The following HECTD3 variants were observed in gnomAD, a reference collection of about 807,000 sequenced individuals.
The protein encoded by HECTD3 is HECT domain E3 ubiquitin protein ligase 3.
Under a neutral mutation model 109.3 loss-of-function variants are expected in HECTD3, and 72 were observed. That is an observed-to-expected ratio of 0.66 (90% CI 0.54 to 0.80). The LOEUF is 0.80. HECTD3 is among the 30% of genes least tolerant of loss of function. HECTD3 has a pLI of 0.00. For missense variants in HECTD3, 1,041 were observed against 1,165.2 expected, an observed-to-expected ratio of 0.89 and a Z score of 1.55; for synonymous variants, 481 against 471.8, an observed-to-expected ratio of 1.02 and a Z score of -0.25.
At chr1:45,005,546 C>G (rs1644728105) in intron 15 of HECTD3, 3 of 399,604 alleles carry the variant, frequency 7.5e-6, no homozygotes, top group Non-Finnish European at 1.3e-5. Context: ...CACACTGAGC[C>G]TGAGATGCCA....
At chr1:45,005,044 G>A (rs1644722427) in intron 15 of HECTD3, 2 of 583,660 alleles carry the variant, frequency 3.4e-6, no homozygotes. Flanking sequence ...CCCAAATGAT[G>A]GCTGGGACAT....
chr1:45,003,996 C>T lies in HECTD3; in HGVS notation c.2348-60G>A. 6.2e-7 allele frequency: 1 copy of T among 1,612,870 alleles called. No homozygotes were observed. Among genetic ancestry groups the T allele is most frequent in the East Asian group, 2.2e-5 (1 of 44,864 alleles). ...GGTGAGGGAGGGTCTACAACTTCTA[C>T]CCTGCCTCTGCAACTCAGCAGCAGA... On this transcript the variant is annotated intron_variant, in intron 18 of 20. Coordinates refer to ENST00000372172, the MANE Select transcript of HECTD3 (RefSeq NM_024602.6). This position sits in a 1 kb window ranked among gnomAD's most constrained non-coding sequence, Gnocchi z 4.7.
intron 15 of HECTD3, chr1:45,005,199 C>T (rs1215104514): frequency 6.1e-6 from 2 of 327,802 alleles, no homozygotes; most frequent in African/African-American, 2.1e-5. Flanking sequence ...TGCATTCTAT[C>T]CTAAGCCCAG....
Position 45,009,635 on chromosome 1 carries a change from AG to A in HECTD3, c.807del (p.Trp270GlyfsTer16), listed in dbSNP as rs1381518679. On this transcript the variant is annotated frameshift_variant, in exon 5 of 21. Coordinates refer to ENST00000372172, the MANE Select transcript of HECTD3 (RefSeq NM_024602.6). LOFTEE classifies it high-confidence loss of function. ...TGGCACTGGGACCCATCGCTCTCCC[AG>A]TAGGTATCGGCATTGCTGTCTGTCA... is the stretch of plus-strand genomic sequence containing the variant. ...SCLTDSNADT[Y>X]WESDGSQCQH... 1.9e-6 allele frequency: 3 copies of A among 1,613,988 alleles called. No homozygotes were observed. Among genetic ancestry groups the A allele is most frequent in the African/African-American group, 1.3e-5 (1 of 74,894 alleles).
rs769768604 is a variant in HECTD3 at position 45,010,311 on chromosome 1, G to A, written c.531-18C>T. The A allele has an allele frequency of 3.1e-5, 50 of 1,609,734 alleles. No individual in the cohort carries two copies. The East Asian group carries it at 9.6e-4, about 31-fold the overall frequency. Reference sequence around the variant, plus strand: ...GTTCCCACCTGTGGGCACAGAGTAGGGAGTGGGATGGGGAGACATCAGCGG... The same window carrying A: ...GTTCCCACCTGTGGGCACAGAGTAGAGAGTGGGATGGGGAGACATCAGCGG... On this transcript the variant is annotated intron_variant, in intron 2 of 20. Coordinates refer to ENST00000372172, the MANE Select transcript of HECTD3 (RefSeq NM_024602.6).
intron 7 of HECTD3, 70 bp from the exon 8 acceptor site, chr1:45,008,771 G>A (rs140058276): frequency 1.4e-5 from 21 of 1,480,576 alleles, no homozygotes; most frequent in African/African-American, 4.1e-5. Flanking sequence ...ACCTGGGACC[G>A]GCTCCTTGAA....
In HECTD3 at chr1:45,007,634, A is replaced by G. The variant is rs1000869341; in HGVS notation, c.1321-39T>C. ...GTGGCCAGAGCAGGAATGAGTGGGC[A>G]GTCAGCCTCCGTCCAGGCCCTGGAA... On this transcript the variant is annotated intron_variant, in intron 9 of 20. Coordinates refer to ENST00000372172, the MANE Select transcript of HECTD3 (RefSeq NM_024602.6). 3 of 1,564,416 alleles carry G rather than the reference A, an allele frequency of 1.9e-6. No homozygotes were observed. In the African/African-American group the frequency reaches 4.0e-5, roughly 21 times the overall value.
intron 15 of HECTD3, 92 bp downstream of exon 15, chr1:45,005,702 G>A (rs1040490265): frequency 3.1e-6 from 3 of 980,626 alleles, no homozygotes; most frequent in Non-Finnish European, 4.6e-6. Context: ...GGGATCTTGT[G>A]TGTGGTGAAA....
At position 45,003,531 on chromosome 1, in the gene HECTD3, G is replaced by A. The variant is rs758014490; in HGVS notation, c.2547C>T (p.Cys849=). The A allele has an allele frequency of 2.7e-5, 44 of 1,614,098 alleles. No homozygotes were observed. Among genetic ancestry groups the A allele is most frequent in the Non-Finnish European group, 3.3e-5 (39 of 1,180,034 alleles). Residue 849 remains cysteine (C), a synonymous_variant, in exon 21 of 21, where the codon TGC becomes TGT. Coordinates refer to ENST00000372172, the MANE Select transcript of HECTD3 (RefSeq NM_024602.6). This position sits in a 1 kb window ranked among gnomAD's most constrained non-coding sequence, Gnocchi z 4.7. The part of the protein sequence containing the change: ...EEKLRYAAYN[C]VAIDTDMSPW... ...GGCTCATGTCAGTGTCGATGGCCAC[G>A]CAGTTGTAGGCCGCATAGCGGAGCT...
intron 10 of HECTD3, 53 bp downstream of exon 10, chr1:45,007,360 C>A: frequency 6.2e-7 from 1 of 1,606,046 alleles, no homozygotes; most frequent in Non-Finnish European, 8.5e-7. Flanking sequence ...CTTGGCCTAG[C>A]CCCCTTGGCC....
In HECTD3 at chr1:45,010,910, C is replaced by A; in HGVS notation, c.348G>T (p.Gly116=). The change falls in exon 1 of 21, where the codon GGG becomes GGT. Residue 116 remains glycine, a synonymous_variant. Transcript: ENST00000372172. ...TTGEELCNGH[G]LWVKLTKEQL... Reference sequence around the variant, plus strand: ...GCACCTTTGTCAGCTTCACCCAGAGCCCGTGGCCATTGCACAGCTCCTCGC... The same window carrying A: ...GCACCTTTGTCAGCTTCACCCAGAGACCGTGGCCATTGCACAGCTCCTCGC... 3 of 1,544,940 alleles carry A rather than the reference C, an allele frequency of 1.9e-6. No homozygotes were observed. The highest frequency in any genetic ancestry group is 2.6e-6 in the Non-Finnish European group (3 of 1,156,910).
rs1008634193 is a variant in HECTD3 at position 45,003,300 on chromosome 1, G to A, written c.*192C>T. Reference sequence around the variant, plus strand: ...AAGCCCCAGCACGGGTAGGGCTTGTGGGTCTGCGGGGCTGGGCCACTAGTG... The same window carrying A: ...AAGCCCCAGCACGGGTAGGGCTTGTAGGTCTGCGGGGCTGGGCCACTAGTG... On this transcript the variant is annotated 3_prime_UTR_variant, in exon 21 of 21. Transcript: ENST00000372172. This position sits in a 1 kb window ranked among gnomAD's most constrained non-coding sequence, Gnocchi z 4.7. 1.7e-6 allele frequency: 1 copy of A among 593,960 alleles called. No individual in the cohort carries two copies. Among genetic ancestry groups the A allele is most frequent in the East Asian group, 2.8e-5 (1 of 35,538 alleles). 36.8% of individuals were successfully genotyped at this position (593,960 alleles called of 1,614,324 possible).
intron 4 of HECTD3, 136 bp downstream of exon 4, chr1:45,009,850 A>T: frequency 8.2e-7 from 1 of 1,214,208 alleles, no homozygotes; most frequent in Non-Finnish European, 1.2e-6. Flanking sequence ...TAGACGTCCA[A>T]GATGGGGAGC....
rs753816646 is a variant in HECTD3, at chr1:45,009,971, A to G, written c.759+15T>C. 1.3e-6 allele frequency: 2 copies of G among 1,516,738 alleles called. No individual in the cohort carries two copies. Among genetic ancestry groups the G allele is most frequent in the East Asian group, 2.3e-5 (1 of 43,948 alleles). 94.0% of individuals were successfully genotyped at this position (1,516,738 alleles called of 1,614,324 possible). On this transcript the variant is annotated intron_variant, in intron 4 of 20. Coordinates refer to ENST00000372172, the MANE Select transcript of HECTD3 (RefSeq NM_024602.6). The stretch of plus-strand genomic sequence containing the variant: ...ACTATATCTTGCCTGGGGTGGGAGG[A>G]GCCCCAGCACCCACCGTGTAGGAGG...
chr1:45,005,244 G>A (rs1398101856), intron 15 of HECTD3: 1 of 246,036 alleles, frequency 4.1e-6, no homozygotes, highest in African/African-American at 2.2e-5. Context: ...TAAGGAGAGT[G>A]AAATGAATTA....
chr1:45,010,653 C>A lies in HECTD3; in HGVS notation c.423G>T (p.Leu141=). The A allele has an allele frequency of 6.3e-7, 1 of 1,597,318 alleles. No individual in the cohort carries two copies. Among genetic ancestry groups the A allele is most frequent in the Non-Finnish European group, 8.5e-7 (1 of 1,174,794 alleles). Residue 141 remains leucine, a synonymous_variant, in exon 2 of 21, where the codon CTG becomes CTT. Transcript: ENST00000372172. ...CTCCGCCCTCCGCCGGGCGGCACAC[C>A]AGCAGCCAGCCTTCCTGCAGCCCGC... ...GDCGLQEGWL[L]VCRPAEGGAR... is the part of the protein sequence containing the mutation.
In HECTD3 at chr1:45,007,447, C is replaced by T. The variant is rs763879013; in HGVS notation, c.1469G>A (p.Arg490Gln). The change falls in exon 10 of 21, where the codon CGA (arginine) becomes CAA (glutamine). Residue 490 changes from arginine to glutamine, a missense_variant. Arg to Gln is a conservative substitution (Grantham distance 43). This residue lies in a region of HECTD3 where 569 missense variants were observed against 715.3 expected (regional missense o/e 0.80). Transcript: ENST00000372172. ...LAMEHRACPS[R>Q]DPACKNAVFT... ...GACTGCATTCTTGCAGGCAGGGTCT[C>T]GAGAGGGGCAGGCACGGTGTTCCAT... 3.1e-6 allele frequency: 5 copies of T among 1,613,918 alleles called. No homozygotes were observed. Among genetic ancestry groups the T allele is most frequent in the Non-Finnish European group, 4.2e-6 (5 of 1,180,018 alleles).
Position 45,007,110 on chromosome 1 carries a change from G to C in HECTD3, c.1557-95C>G. On this transcript the variant is annotated intron_variant, in intron 11 of 20. Coordinates refer to ENST00000372172, the MANE Select transcript of HECTD3 (RefSeq NM_024602.6). ...CACCTGGGAAAAGCAGTCATGGCGA[G>C]GGGTGCCTCGAGCAGTTGTGTGTGT... 1.9e-6 allele frequency: 3 copies of C among 1,548,928 alleles called. No individual in the cohort carries two copies. The South Asian group carries it at 3.4e-5, about 17-fold the overall frequency.
At chr1:45,005,720 G>A in intron 15 of HECTD3, 74 bp downstream of exon 15, 2 of 1,186,828 alleles carry the variant, frequency 1.7e-6, no homozygotes, top group Non-Finnish European at 2.4e-6. Context: ...AAAGAACAAG[G>A]TACAGAACAG....
Sources: allele counts gnomAD v4.1 joint callset, GRCh38; gene constraint gnomAD v4.1.1; regional missense constraint gnomAD v4.1.1; non-coding constraint Gnocchi (gnomAD v3.1); transcripts MANE v1.5; gene names NCBI Gene and HGNC (gene_info 2026-07-23, HGNC 2026-07-21).